LRRC1: variants seen among roughly 807,000 people sequenced by gnomAD.
The protein encoded by LRRC1 is leucine rich repeat containing 1.
Under a neutral mutation model 69.9 loss-of-function variants are expected in LRRC1, and 28 were observed. That is an observed-to-expected ratio of 0.40 (90% CI 0.30 to 0.55). The LOEUF (loss-of-function observed/expected upper bound fraction) is 0.55. LRRC1 is among the 20% of genes least tolerant of loss of function. LRRC1 has a pLI of 0.47. For synonymous variants in LRRC1, 236 were observed against 240.2 expected, an observed-to-expected ratio of 0.98 and a Z score of 0.16; for missense variants, 498 against 609.0, an observed-to-expected ratio of 0.82 and a Z score of 1.92.
At chr6:53,839,301 A>G (rs1765697175) in intron 1 of LRRC1, among the ~76,000 whole-genome samples, 1 of 152,102 alleles carries the variant, frequency 6.6e-6, no homozygotes, top group Non-Finnish European at 1.5e-5. Flanking sequence ...GTATGATTAT[A>G]TAAATATACA....
intron 2 of LRRC1, among the ~76,000 whole-genome samples, chr6:53,853,183 A>C (rs576181267): frequency 6.6e-6 from 1 of 152,018 alleles, no homozygotes; most frequent in Non-Finnish European, 1.5e-5. Flanking sequence ...CCCAAAGGCT[A>C]TACCTTTTAA....
chr6:53,879,478 G>T (rs1021790109), intron 3 of LRRC1, among the ~76,000 whole-genome samples: 4 of 152,012 alleles, frequency 2.6e-5, no homozygotes, highest in African/African-American at 9.7e-5. Context: ...TAGAGACGGG[G>T]TTTCACCATA....
At chr6:53,892,446 G>A (rs1203040018) in intron 4 of LRRC1, among the ~76,000 whole-genome samples, 2 of 152,134 alleles carry the variant, frequency 1.3e-5, no homozygotes, top group African/African-American at 4.8e-5. Context: ...TGGAGGTTGG[G>A]TCTCCCTCTG....
chr6:53,888,246 T>C (rs1301558275), intron 4 of LRRC1, among the ~76,000 whole-genome samples: 1 of 152,172 alleles, frequency 6.6e-6, no homozygotes, highest in African/African-American at 2.4e-5. Context: ...CTAAGGAATC[T>C]GCAAAAATTA....
intron 4 of LRRC1, among the ~76,000 whole-genome samples, chr6:53,895,908 A>T (rs565447218): frequency 8.5e-5 from 13 of 152,344 alleles, no homozygotes; most frequent in African/African-American, 3.1e-4. Flanking sequence ...ACTGTGCAAG[A>T]TACATTATGA....
chr6:53,918,794 A>G (rs1021310064), intron 11 of LRRC1, among the ~76,000 whole-genome samples: 1 of 152,242 alleles, frequency 6.6e-6, no homozygotes, highest in Non-Finnish European at 1.5e-5. Flanking sequence ...GTGTCACATT[A>G]TAACATTTAA....
chr6:53,821,646 G>T (rs1444332143), intron 1 of LRRC1, among the ~76,000 whole-genome samples: 1 of 152,146 alleles, frequency 6.6e-6, no homozygotes, highest in Non-Finnish European at 1.5e-5. Context: ...ATTATTATCT[G>T]AGAAGTAATC....
chr6:53,849,602 A>G (rs780441230), intron 2 of LRRC1, among the ~76,000 whole-genome samples: 2 of 152,236 alleles, frequency 1.3e-5, no homozygotes, highest in African/African-American at 2.4e-5. Context: ...CACTGCAAAC[A>G]GCGCTCTCCT....
At chr6:53,859,392 A>G (rs1186367061) in intron 2 of LRRC1, among the ~76,000 whole-genome samples, 7 of 152,202 alleles carry the variant, frequency 4.6e-5, no homozygotes, top group Non-Finnish European at 5.9e-5. Flanking sequence ...GGAACCCAGG[A>G]GTCTGCATTT....
intron 1 of LRRC1, among the ~76,000 whole-genome samples, chr6:53,822,892 T>C (rs1418720299): frequency 6.6e-6 from 1 of 152,116 alleles, no homozygotes; most frequent in Non-Finnish European, 1.5e-5. Context: ...GAAGGCTGAG[T>C]CCAGTTAAGG....
At chr6:53,804,668 T>C (rs1193913720) in intron 1 of LRRC1, among the ~76,000 whole-genome samples, 1 of 152,244 alleles carries the variant, frequency 6.6e-6, no homozygotes, top group African/African-American at 2.4e-5. Flanking sequence ...AATATTTAAA[T>C]AGTTTCTAAT....
At chr6:53,824,324 CT>C (rs1176425413) in intron 1 of LRRC1, among the ~76,000 whole-genome samples, 2 of 151,874 alleles carry the variant, frequency 1.3e-5, no homozygotes, top group Non-Finnish European at 2.9e-5. Context: ...CCTTTGCCCA[CT>C]TTTTAATGGT....
At chr6:53,822,778 G>C (rs772864521) in intron 1 of LRRC1, among the ~76,000 whole-genome samples, 2 of 152,110 alleles carry the variant, frequency 1.3e-5, no homozygotes, top group South Asian at 4.1e-4. Flanking sequence ...TTCATAATGT[G>C]GGGGAAGAAC....
At chr6:53,891,762 T>C (rs1767691542) in intron 4 of LRRC1, among the ~76,000 whole-genome samples, 1 of 152,060 alleles carries the variant, frequency 6.6e-6, no homozygotes, top group African/African-American at 2.4e-5. Flanking sequence ...GGTAGGCAGA[T>C]CACCTGGGGT....
At chr6:53,807,972 C>G (rs913313883) in intron 1 of LRRC1, among the ~76,000 whole-genome samples, 1 of 152,180 alleles carries the variant, frequency 6.6e-6, no homozygotes, top group Admixed American at 6.5e-5. Context: ...AGCTGGAGCC[C>G]TTGGCATGGG....
At chr6:53,896,029 C>A (rs960554628) in intron 4 of LRRC1, among the ~76,000 whole-genome samples, 1 of 152,212 alleles carries the variant, frequency 6.6e-6, no homozygotes, top group African/African-American at 2.4e-5. Flanking sequence ...ACTGAGATGT[C>A]CCCTACTTTA....
intron 1 of LRRC1, among the ~76,000 whole-genome samples, chr6:53,818,730 C>T (rs568387363): frequency 1.3e-5 from 2 of 152,248 alleles, no homozygotes; most frequent in East Asian, 3.9e-4. Context: ...AAAAATGTGT[C>T]CTTGAATCTT....
rs1019153460 is a variant in LRRC1 at position 53,909,225 on chromosome 6, A to G, written c.991-4629A>G. On this transcript the variant is annotated intron_variant, in intron 10 of 13. Coordinates refer to ENST00000370888, the MANE Select transcript of LRRC1 (RefSeq NM_018214.5). ...CTTATCTAATTATCACAACAGTTCT[A>G]TGAGGTATAGGTAAACCATTTTCAA... is the stretch of plus-strand genomic sequence containing the variant. 1.9e-4 allele frequency among the ~76,000 whole-genome samples: 29 copies of G among 152,232 alleles called. 1 individual carries two copies. The highest frequency in any genetic ancestry group is 2.9e-5 in the Non-Finnish European group (2 of 68,038).
At chr6:53,847,218 CTCG>C (rs1562041552) in intron 2 of LRRC1, among the ~76,000 whole-genome samples, 1 of 152,038 alleles carries the variant, frequency 6.6e-6, no homozygotes, top group Non-Finnish European at 1.5e-5. Flanking sequence ...TCTTTTGTAT[CTCG>C]TGGTGATAAT....
Sources: gnomAD v4.1 joint callset for allele counts (sites outside exome capture counted in the v4.1 genomes callset) on GRCh38, gnomAD v4.1.1 for gene constraint, MANE v1.5 for transcripts, NCBI Gene and HGNC (gene_info 2026-07-23, HGNC 2026-07-21) for gene names.